CTNNA3: variants seen among roughly 807,000 people sequenced by gnomAD.
The protein encoded by CTNNA3 is catenin alpha 3, also known as catenin alpha-3.
CTNNA3 carries 76 observed loss-of-function variants against 95.7 expected under a neutral mutation model. The observed-to-expected ratio is 0.79, with a 90% CI of 0.66 to 0.96. CTNNA3 has a LOEUF of 0.96. Among genes scored for constraint, CTNNA3 ranks in the 40% least tolerant of loss-of-function variants. CTNNA3 has a pLI of 0.00. For missense variants in CTNNA3, 1,191 were observed against 1,089.8 expected, an observed-to-expected ratio of 1.09 and a Z score of -1.31; for synonymous variants, 431 against 374.4, an observed-to-expected ratio of 1.15 and a Z score of -1.74.
chr10:67,071,116 A>G (rs1401533437), intron 7 of CTNNA3, among the ~76,000 whole-genome samples: 1 of 152,200 alleles, frequency 6.6e-6, no homozygotes, highest in African/African-American at 2.4e-5. Context: ...TATGTATTTT[A>G]AATTTCACAA....
intron 15 of CTNNA3, among the ~76,000 whole-genome samples, chr10:66,029,550 TAAAA>T (rs1240301210): frequency 6.6e-6 from 1 of 152,188 alleles, no homozygotes. Flanking sequence ...TCACACTACT[TAAAA>T]TTATAACCTA....
chr10:66,976,627 T>C (rs1329941403), intron 7 of CTNNA3, among the ~76,000 whole-genome samples: 1 of 152,228 alleles, frequency 6.6e-6, no homozygotes, highest in Non-Finnish European at 1.5e-5. Flanking sequence ...TTTTTGGCCC[T>C]TTTCAATACT....
intron 3 of CTNNA3, among the ~76,000 whole-genome samples, chr10:67,605,975 A>AC (rs1306915969): frequency 2.0e-5 from 3 of 152,074 alleles, no homozygotes; most frequent in Non-Finnish European, 4.4e-5. Flanking sequence ...TCGGCCAAAA[A>AC]TTTTTTTTAA....
At chr10:67,230,007 T>C (rs1393425595) in intron 5 of CTNNA3, among the ~76,000 whole-genome samples, 2 of 152,146 alleles carry the variant, frequency 1.3e-5, no homozygotes, top group Non-Finnish European at 2.9e-5. Flanking sequence ...AGAACCTGCA[T>C]AGCCAAAGCA....
chr10:67,435,393 G>A (rs1250153495), intron 5 of CTNNA3, among the ~76,000 whole-genome samples: 2 of 151,988 alleles, frequency 1.3e-5, no homozygotes, highest in East Asian at 3.9e-4. Context: ...ATAAGGAAAA[G>A]TTGAAAGCAT....
intron 7 of CTNNA3, among the ~76,000 whole-genome samples, chr10:67,153,650 T>C (rs759117187): frequency 1.5e-4 from 23 of 152,178 alleles, no homozygotes; most frequent in Non-Finnish European, 3.1e-4. Context: ...GAATTTAGAG[T>C]AGATTTCTAT....
intron 12 of CTNNA3, among the ~76,000 whole-genome samples, chr10:66,322,239 G>T (rs1327531195): frequency 6.6e-6 from 1 of 152,102 alleles, no homozygotes; most frequent in Admixed American, 6.5e-5. Context: ...CAGCCTGCCA[G>T]CCATAAACTA....
chr10:67,621,101 T>C (rs1376640821), intron 2 of CTNNA3, among the ~76,000 whole-genome samples: 1 of 152,014 alleles, frequency 6.6e-6, no homozygotes, highest in East Asian at 1.9e-4. Context: ...AGTTCTGACA[T>C]GGTAATCACC....
At chr10:66,174,076 C>T (rs1336265085) in intron 13 of CTNNA3, among the ~76,000 whole-genome samples, 1 of 152,118 alleles carries the variant, frequency 6.6e-6, no homozygotes, top group Non-Finnish European at 1.5e-5. Flanking sequence ...CACTACAGTC[C>T]TGTGACATAT....
chr10:66,011,678 A>C (rs115241922), intron 15 of CTNNA3, among the ~76,000 whole-genome samples: 1,544 of 152,262 alleles, frequency 0.01, 16 homozygotes, highest in African/African-American at 0.036. Flanking sequence ...CAAGCCTGGC[A>C]CTTCTAATTC....
At chr10:66,593,208 T>G (rs892291792) in intron 10 of CTNNA3, among the ~76,000 whole-genome samples, 9 of 152,258 alleles carry the variant, frequency 5.9e-5, no homozygotes, top group East Asian at 1.9e-4. Context: ...CCAATACTGG[T>G]GTGTTGGTGA....
At chr10:67,762,675 A>G (rs1841468615) in intron 1 of CTNNA3, among the ~76,000 whole-genome samples, 1 of 152,202 alleles carries the variant, frequency 6.6e-6, no homozygotes, top group Non-Finnish European at 1.5e-5. Context: ...CTCATGCCCA[A>G]TTTCTGCCTC....
intron 3 of CTNNA3, among the ~76,000 whole-genome samples, chr10:67,541,138 T>C (rs1840672899): frequency 1.3e-5 from 2 of 151,926 alleles, no homozygotes; most frequent in South Asian, 2.1e-4. Context: ...TATCTTTACA[T>C]GCATGAACAA....
At chr10:67,688,245 C>T (rs989666129) in intron 1 of CTNNA3, among the ~76,000 whole-genome samples, 4 of 152,070 alleles carry the variant, frequency 2.6e-5, no homozygotes, top group African/African-American at 9.7e-5. Flanking sequence ...TTCCCCTCCC[C>T]CTACAGCTTG....
At chr10:67,543,746 TA>T (rs1840753391) in intron 3 of CTNNA3, among the ~76,000 whole-genome samples, 1 of 152,198 alleles carries the variant, frequency 6.6e-6, no homozygotes, top group Admixed American at 6.5e-5. Flanking sequence ...TGATTCAATA[TA>T]TAATAGGGTT....
chr10:65,989,179 T>G (rs1048921321), intron 15 of CTNNA3, among the ~76,000 whole-genome samples: 1 of 152,204 alleles, frequency 6.6e-6, no homozygotes, highest in Middle Eastern at 3.2e-3. Context: ...GACCTCGTGA[T>G]CCACCCGCCT....
intron 13 of CTNNA3, among the ~76,000 whole-genome samples, chr10:66,155,416 A>G (rs115936367): frequency 0.011 from 1,655 of 151,974 alleles, 23 homozygotes; most frequent in African/African-American, 0.038. Context: ...ACTAAACTTC[A>G]TGTCACATTT....
chr10:67,359,236 CT>C (rs1842917825), intron 5 of CTNNA3, among the ~76,000 whole-genome samples: 1 of 145,212 alleles, frequency 6.9e-6, no homozygotes, highest in African/African-American at 2.6e-5. Flanking sequence ...AATGACATAA[CT>C]TTAAAAAAAA....
At chr10:66,293,822 C>T (rs572355889) in intron 12 of CTNNA3, among the ~76,000 whole-genome samples, 15 of 151,996 alleles carry the variant, frequency 9.9e-5, no homozygotes, top group South Asian at 6.3e-4. Flanking sequence ...CCTGCCACCA[C>T]GCCCGGCTAA....
Sources: gnomAD v4.1 joint callset for allele counts (sites outside exome capture counted in the v4.1 genomes callset) on GRCh38, gnomAD v4.1.1 for gene constraint, MANE v1.5 for transcripts, NCBI Gene and HGNC (gene_info 2026-07-23, HGNC 2026-07-21) for gene names.